Variants in BTRC observed in about 807,000 individuals in gnomAD.
The protein encoded by BTRC is F-box/WD repeat-containing protein 1A.
In BTRC, 42 loss-of-function variants were observed where a neutral mutation model predicts 85.5. That is an observed-to-expected ratio of 0.49 (90% confidence interval 0.38 to 0.64). BTRC has a LOEUF of 0.64. Ranked by LOEUF, BTRC falls within the 30% of genes least tolerant of loss-of-function variation. BTRC has a pLI of 0.00. For synonymous variants in BTRC, 255 were observed against 263.3 expected, an observed-to-expected ratio of 0.97 and a Z score of 0.30; for missense variants, 594 against 743.5, an observed-to-expected ratio of 0.80 and a Z score of 2.34.
Position 101,525,351 on chromosome 10 carries a change from A to G in BTRC, c.557-662A>G, listed in dbSNP as rs530592174. On this transcript the variant is annotated intron_variant, in intron 5 of 14. Coordinates refer to ENST00000370187, the MANE Select transcript of BTRC (RefSeq NM_033637.4). ...TTTTTTTCATTTTTGCCCAACTGTC[A>G]TTTAGGTTTTATAGCAGCAGCTACT... 2.0e-5 allele frequency among the ~76,000 whole-genome samples: 3 copies of G among 152,262 alleles called. No homozygotes were observed. In the East Asian group the frequency reaches 5.8e-4, roughly 29 times the overall value.
chr10:101,497,541 A>G (rs1946292742), intron 4 of BTRC, among the ~76,000 whole-genome samples: 1 of 152,000 alleles, frequency 6.6e-6, no homozygotes, highest in South Asian at 2.1e-4. Context: ...CTACAAATAA[A>G]AAATATAAAA....
chr10:101,490,093 C>G (rs1946090103), intron 4 of BTRC, among the ~76,000 whole-genome samples: 1 of 133,634 alleles, frequency 7.5e-6, no homozygotes, highest in South Asian at 2.2e-4. Context: ...TAAGTTTTCT[C>G]TCCCACCCCC....
At chr10:101,432,804 T>C (rs1301590377) in intron 2 of BTRC, among the ~76,000 whole-genome samples, 1 of 152,116 alleles carries the variant, frequency 6.6e-6, no homozygotes, top group East Asian at 1.9e-4. Flanking sequence ...CCTGTCATCC[T>C]CTCCCCATGG....
chr10:101,358,579 C>G (rs1261205032), intron 1 of BTRC, among the ~76,000 whole-genome samples: 1 of 152,124 alleles, frequency 6.6e-6, no homozygotes, highest in Non-Finnish European at 1.5e-5. Flanking sequence ...AACCTCAAAA[C>G]TTAGCTTAAA....
At chr10:101,442,889 CTT>C (rs755689728) in intron 2 of BTRC, among the ~76,000 whole-genome samples, 58 of 122,372 alleles carry the variant, frequency 4.7e-4, no homozygotes, top group Admixed American at 1.7e-3. Flanking sequence ...CTCACTTGCT[CTT>C]TTTTTTTTTT....
At chr10:101,467,344 T>TC (rs1564790391) in intron 3 of BTRC, among the ~76,000 whole-genome samples, 62 of 134,674 alleles carry the variant, frequency 4.6e-4, no homozygotes, top group Non-Finnish European at 8.9e-4. Context: ...TTTTTTTTTT[T>TC]TCTCTCTATT....
At chr10:101,486,184 G>T (rs777322637) in intron 4 of BTRC, among the ~76,000 whole-genome samples, 27 of 152,106 alleles carry the variant, frequency 1.8e-4, no homozygotes, top group Non-Finnish European at 3.2e-4. Flanking sequence ...CTTACCGGTG[G>T]GAGCAAGCGG....
chr10:101,428,657 A>G (rs2134075307), intron 1 of BTRC, among the ~76,000 whole-genome samples: 1 of 152,256 alleles, frequency 6.6e-6, no homozygotes, highest in East Asian at 1.9e-4. Context: ...TACTTTGTAA[A>G]TTCATAATCA....
intron 1 of BTRC, among the ~76,000 whole-genome samples, chr10:101,366,801 T>TTA (rs1564729719): frequency 4.0e-5 from 3 of 75,908 alleles, no homozygotes; most frequent in African/African-American, 6.1e-5. Context: ...TTTACATTTA[T>TTA]ATATATATTT....
At chr10:101,475,476 G>T (rs920119802) in intron 3 of BTRC, among the ~76,000 whole-genome samples, 6 of 152,152 alleles carry the variant, frequency 3.9e-5, no homozygotes, top group Admixed American at 2.0e-4. Context: ...GGAGGTGCAG[G>T]TTACAGTGAG....
At chr10:101,419,961 T>G (rs1944054245) in intron 1 of BTRC, among the ~76,000 whole-genome samples, 2 of 152,016 alleles carry the variant, frequency 1.3e-5, no homozygotes, top group African/African-American at 4.8e-5. Flanking sequence ...TAGTGGAGAG[T>G]GATATTTTGA....
intron 11 of BTRC, among the ~76,000 whole-genome samples, chr10:101,536,264 A>G (rs1224908500): frequency 3.3e-5 from 5 of 152,246 alleles, no homozygotes; most frequent in Non-Finnish European, 1.5e-5. Context: ...AACTGCGTGC[A>G]TTGAATTCGT....
At chr10:101,551,550 C>A (rs2062649613) in intron 14 of BTRC, among the ~76,000 whole-genome samples, 1 of 152,166 alleles carries the variant, frequency 6.6e-6, no homozygotes, top group Non-Finnish European at 1.5e-5. Flanking sequence ...TCAGATCATA[C>A]CTGCTGTTCT....
chr10:101,519,462 T>G (rs2062070941), intron 4 of BTRC, among the ~76,000 whole-genome samples: 1 of 152,142 alleles, frequency 6.6e-6, no homozygotes, highest in Non-Finnish European at 1.5e-5. Flanking sequence ...GGCTGTCAGC[T>G]GGGGGCTCCT....
chr10:101,536,462 G>A, intron 11 of BTRC, 81 bp from the exon 12 acceptor site: 1 of 954,846 alleles, frequency 1.0e-6, no homozygotes, highest in Non-Finnish European at 1.7e-6. Context: ...TTTTTAGAAG[G>A]CATATGAGGT....
intron 4 of BTRC, among the ~76,000 whole-genome samples, chr10:101,491,934 A>G (rs957375816): frequency 1.3e-5 from 2 of 152,044 alleles, no homozygotes; most frequent in Non-Finnish European, 2.9e-5. Flanking sequence ...ACAAACACCA[A>G]TATTACTATT....
chr10:101,431,813 T>G (rs1944411089), intron 2 of BTRC, among the ~76,000 whole-genome samples: 1 of 152,212 alleles, frequency 6.6e-6, no homozygotes, highest in South Asian at 2.1e-4. Flanking sequence ...TCATTTTTCC[T>G]TTACAAAATT....
At chr10:101,524,917 C>T (rs2062168313) in intron 5 of BTRC, among the ~76,000 whole-genome samples, 1 of 152,122 alleles carries the variant, frequency 6.6e-6, no homozygotes. Context: ...TCCATACAAT[C>T]TTTATAATTA....
chr10:101,396,287 A>G (rs1232780575), intron 1 of BTRC, among the ~76,000 whole-genome samples: 1 of 151,236 alleles, frequency 6.6e-6, no homozygotes, highest in East Asian at 1.9e-4. Context: ...GCTTTTCTTT[A>G]ATTTTTGTCA....
Sources: allele counts gnomAD v4.1 joint callset (sites outside exome capture counted in the v4.1 genomes callset), GRCh38; gene constraint gnomAD v4.1.1; transcripts MANE v1.5; gene names NCBI Gene and HGNC (gene_info 2026-07-23, HGNC 2026-07-21).